The following TRIM54 variants were observed in gnomAD, a reference collection of about 807,000 sequenced individuals.
The protein encoded by TRIM54 is tripartite motif-containing protein 54.
Under a neutral mutation model 42.0 loss-of-function variants are expected in TRIM54, and 40 were observed. The ratio of observed to expected loss-of-function variants is 0.95; its 90% CI spans 0.74 to 1.24. TRIM54 has a LOEUF of 1.24. Among genes scored for constraint, TRIM54 ranks in the 50% most tolerant of loss-of-function variants. The probability of loss-of-function intolerance (pLI) is 0.00; values close to 1 mark genes in which losing one functional copy is unlikely to be tolerated. For synonymous variants in TRIM54, 199 were observed against 194.9 expected (o/e 1.02, Z -0.17); for missense variants, 485 against 480.3 (o/e 1.01, Z -0.09).
chr2:27,305,791 GA>G lies in TRIM54; in HGVS notation c.818del (p.Glu273GlyfsTer14). The G allele has an allele frequency of 1.2e-6, 2 of 1,608,176 alleles. No homozygotes were observed. The highest frequency in any genetic ancestry group is 1.7e-6 in the Non-Finnish European group (2 of 1,177,242). On this transcript the variant is annotated frameshift_variant, in exon 5 of 9. Transcript: ENST00000380075. LOFTEE classifies it high-confidence loss of function. ...GGAGTCTGCCATCCAGTCCATGGAA[GA>G]GCCACAAATGGCGCTGTATCTCCAG... is the stretch of plus-strand genomic sequence containing the variant. ...LVESAIQSME[E>X]PQMALYLQQA...
intron 1 of TRIM54, among the ~76,000 whole-genome samples, chr2:27,284,176 G>A (rs1165893563): frequency 6.6e-6 from 1 of 152,158 alleles, no homozygotes; most frequent in East Asian, 1.9e-4. Flanking sequence ...ACCAGAGCTG[G>A]CTGGTTTAGT....
intron 1 of TRIM54, among the ~76,000 whole-genome samples, chr2:27,295,919 CCTAAA>C (rs1474468551): frequency 6.6e-6 from 1 of 152,108 alleles, no homozygotes; most frequent in African/African-American, 2.4e-5. Flanking sequence ...TAACGCATTC[CCTAAA>C]CTAAACTCAA....
rs1270741902 is a variant in TRIM54 at position 27,306,507 on chromosome 2, CG to C, written c.1047del (p.Pro350ArgfsTer23). 21 of 1,572,672 alleles carry C rather than the reference CG, an allele frequency of 1.3e-5. No homozygotes were observed. Among genetic ancestry groups the C allele is most frequent in the Non-Finnish European group, 1.8e-5 (21 of 1,158,680 alleles). ...GCCCCAGACGGAGAGGAGGGCAGCG[CG>C]GGGCCGGAGGAAGAGCGGCCGGATG... ...EVAPDGEEGS[A>X]GPEEERPDGP On this transcript the variant is annotated frameshift_variant, in exon 8 of 9. Coordinates refer to ENST00000380075, the MANE Select transcript of TRIM54 (RefSeq NM_187841.3). LOFTEE classifies it high-confidence loss of function. This position sits in a 1 kb window ranked among gnomAD's most constrained non-coding sequence, Gnocchi z 6.1.
intron 5 of TRIM54, 107 bp downstream of exon 5, chr2:27,305,924 G>A (rs1679189370): frequency 8.8e-6 from 12 of 1,362,692 alleles, no homozygotes; most frequent in African/African-American, 2.9e-5. Flanking sequence ...TTGCCCCTAC[G>A]ACCTTGGGCA....
rs1311526701 is a variant in TRIM54 at position 27,306,267 on chromosome 2, G to A, written c.921G>A (p.Glu307=). The change falls in exon 7 of 9, where the codon GAG becomes GAA. Residue 307 remains glutamate (E), a synonymous_variant. Coordinates refer to ENST00000380075, the MANE Select transcript of TRIM54 (RefSeq NM_187841.3). This position sits in a 1 kb window ranked among gnomAD's most constrained non-coding sequence, Gnocchi z 6.1. ...ELAGRPEPGY[E]SMEQFTVRVE... ...CAGGGCGGCCGGAGCCAGGCTATGA[G>A]AGCATGGAGCAATTCACCGTAAGGG... 6 of 1,614,130 alleles carry A rather than the reference G, an allele frequency of 3.7e-6. No individual in the cohort carries two copies. Among genetic ancestry groups the A allele is most frequent in the South Asian group, 1.1e-5 (1 of 91,078 alleles).
At position 27,306,615 on chromosome 2, in the gene TRIM54, C is replaced by T. The variant is rs1679224291; in HGVS notation, c.*1+73C>T. 5.8e-6 allele frequency: 8 copies of T among 1,379,056 alleles called. No individual in the cohort carries two copies. The highest frequency in any genetic ancestry group is 1.5e-5 in the African/African-American group (1 of 68,494). 85.4% of individuals were successfully genotyped at this position (1,379,056 alleles called of 1,614,324 possible). On this transcript the variant is annotated intron_variant, in intron 8 of 8. Coordinates refer to ENST00000380075, the MANE Select transcript of TRIM54 (RefSeq NM_187841.3). The surrounding 1 kb of genome is among the most constrained non-coding windows in gnomAD (Gnocchi z 6.1). ...TGGGGTGGGGCCTGGCTGGTGTGCTCGCGTCCCCTCCCCCAGTGATTGCCC... is the reference window on the plus strand; with the variant it reads ...TGGGGTGGGGCCTGGCTGGTGTGCTTGCGTCCCCTCCCCCAGTGATTGCCC...
chr2:27,286,391 A>C (rs1366075820), intron 1 of TRIM54, among the ~76,000 whole-genome samples: 1 of 152,134 alleles, frequency 6.6e-6, no homozygotes, highest in Non-Finnish European at 1.5e-5. Context: ...TTGAAACAGA[A>C]TGAAACACCA....
Position 27,282,657 on chromosome 2 carries a change from C to G in TRIM54, c.-75C>G, listed in dbSNP as rs181182861. 1.1e-3 allele frequency: 1,701 copies of G among 1,486,038 alleles called. 2 individuals are homozygous for G. Among genetic ancestry groups the G allele is most frequent in the Non-Finnish European group, 1.4e-3 (1,564 of 1,110,952 alleles). The allele number at this position is 1,486,038 out of a possible 1,614,324, so 92.1% of individuals were successfully genotyped here. A position where few individuals can be genotyped will look rare whatever the true frequency, so the allele number is the denominator to read the frequency against. On this transcript the variant is annotated 5_prime_UTR_variant, in exon 1 of 9. The change creates a new upstream start codon in the 5' untranslated region. Transcript: ENST00000380075. The stretch of plus-strand genomic sequence containing the variant: ...CCACAGAAGGGAATCCAGAGGCCAT[C>G]TAAGCGAGGAAGGGTCTACAGGCAG...
Position 27,307,135 on chromosome 2 carries a change from T to C in TRIM54, c.*250T>C. The C allele has an allele frequency of 3.5e-6, 1 of 285,552 alleles. No homozygotes were observed. Among genetic ancestry groups the C allele is most frequent in the Non-Finnish European group, 6.6e-6 (1 of 150,668 alleles). The allele number at this position is 285,552 out of a possible 1,614,324, so 17.7% of individuals were successfully genotyped here. On this transcript the variant is annotated 3_prime_UTR_variant, in exon 9 of 9. Coordinates refer to ENST00000380075, the MANE Select transcript of TRIM54 (RefSeq NM_187841.3). This position sits in a 1 kb window ranked among gnomAD's most constrained non-coding sequence, Gnocchi z 6.9. ...GGGCGGAAGCCAAATGAACCCCTATTGGGCACCTCTGTGATGCCAGGAGCG... is the reference window on the plus strand; with the variant it reads ...GGGCGGAAGCCAAATGAACCCCTATCGGGCACCTCTGTGATGCCAGGAGCG...
At chr2:27,294,478 G>A (rs1253027913) in intron 1 of TRIM54, among the ~76,000 whole-genome samples, 1 of 152,138 alleles carries the variant, frequency 6.6e-6, no homozygotes, top group East Asian at 1.9e-4. Flanking sequence ...GACAGGCTCT[G>A]GAGTCAGAGT....
intron 1 of TRIM54, among the ~76,000 whole-genome samples, chr2:27,297,531 C>T (rs780466072): frequency 2.0e-5 from 3 of 152,228 alleles, no homozygotes; most frequent in African/African-American, 4.8e-5. Context: ...CCTATCACAA[C>T]ACCCATCCTG....
At position 27,306,270 on chromosome 2, in the gene TRIM54, C is replaced by T; in HGVS notation, c.924C>T (p.Ser308=). 6.2e-7 allele frequency: 1 copy of T among 1,614,082 alleles called. No homozygotes were observed. The highest frequency in any genetic ancestry group is 8.5e-7 in the Non-Finnish European group (1 of 1,180,020). Residue 308 remains serine (S), a synonymous_variant, in exon 7 of 9, where the codon AGC becomes AGT. Transcript: ENST00000380075. The surrounding 1 kb of genome is among the most constrained non-coding windows in gnomAD (Gnocchi z 6.1). ...GGCGGCCGGAGCCAGGCTATGAGAGCATGGAGCAATTCACCGTAAGGGTGG... is the reference window on the plus strand; with the variant it reads ...GGCGGCCGGAGCCAGGCTATGAGAGTATGGAGCAATTCACCGTAAGGGTGG... ...LAGRPEPGYE[S]MEQFTVRVEH...
At chr2:27,305,502 T>G in intron 4 of TRIM54, 82 bp from the exon 5 acceptor site, 1 of 1,175,922 alleles carries the variant, frequency 8.5e-7, no homozygotes, top group South Asian at 1.5e-5. Flanking sequence ...CTTTCTGTGT[T>G]GGTTCTCTGT....
At chr2:27,291,086 G>T (rs1678706736) in intron 1 of TRIM54, among the ~76,000 whole-genome samples, 1 of 152,146 alleles carries the variant, frequency 6.6e-6, no homozygotes, top group African/African-American at 2.4e-5. Context: ...AGGTGCACTG[G>T]CTCACACCTA....
Position 27,306,692 on chromosome 2 carries a change from G to A in TRIM54, c.*1+150G>A. Reference sequence around the variant, plus strand: ...CTCCTCGGTGCAACCCAACCCCGGAGCCACAAAGGCGCGCCCCCTAGGGCG... The same window carrying A: ...CTCCTCGGTGCAACCCAACCCCGGAACCACAAAGGCGCGCCCCCTAGGGCG... On this transcript the variant is annotated intron_variant, in intron 8 of 8. Coordinates refer to ENST00000380075, the MANE Select transcript of TRIM54 (RefSeq NM_187841.3). The surrounding 1 kb of genome is among the most constrained non-coding windows in gnomAD (Gnocchi z 6.1). 1 of 863,506 alleles carries A rather than the reference G, an allele frequency of 1.2e-6. No individual in the cohort carries two copies. Among genetic ancestry groups the A allele is most frequent in the Non-Finnish European group, 1.8e-6 (1 of 570,454 alleles). The allele number at this position is 863,506 out of a possible 1,614,324, so 53.5% of individuals were successfully genotyped here.
At chr2:27,283,025 T>A in intron 1 of TRIM54, 126 bp downstream of exon 1, 1 of 1,110,816 alleles carries the variant, frequency 9.0e-7, no homozygotes, top group Non-Finnish European at 1.3e-6. Flanking sequence ...GTGGCTGTTG[T>A]GGCTGGAGAG....
At position 27,306,365 on chromosome 2, in the gene TRIM54, G is replaced by A. The variant is rs1433968676; in HGVS notation, c.991+28G>A. ...GAAGGAGGTGGCCGAGGGCCGCTGA[G>A]ACGGGTTCGGACCCTCTGTGTGGGG... is the stretch of plus-strand genomic sequence containing the variant. On this transcript the variant is annotated intron_variant, in intron 7 of 8. Transcript: ENST00000380075. This position sits in a 1 kb window ranked among gnomAD's most constrained non-coding sequence, Gnocchi z 6.1. 1 of 1,613,826 alleles carries A rather than the reference G, an allele frequency of 6.2e-7. No homozygotes were observed. Among genetic ancestry groups the A allele is most frequent in the Non-Finnish European group, 8.5e-7 (1 of 1,179,912 alleles).
At chr2:27,300,916 AG>A (rs1679018668) in intron 3 of TRIM54, among the ~76,000 whole-genome samples, 1 of 152,180 alleles carries the variant, frequency 6.6e-6, no homozygotes, top group Non-Finnish European at 1.5e-5. Flanking sequence ...TGTGTTGCCC[AG>A]GCTTGTTTTG....
rs143718124 is a variant in TRIM54 at position 27,301,871 on chromosome 2, G to A, written c.513+2455G>A. Among the ~76,000 whole-genome samples the A allele has an allele frequency of 3.2e-4, 48 of 151,888 alleles. No individual in the cohort carries two copies. In the South Asian group the frequency reaches 6.6e-3, roughly 21 times the overall value. On this transcript the variant is annotated intron_variant, in intron 3 of 8. Coordinates refer to ENST00000380075, the MANE Select transcript of TRIM54 (RefSeq NM_187841.3). The stretch of plus-strand genomic sequence containing the variant: ...TTACTCCACTTAGTTTTAAAGTCAA[G>A]CAGGCCGGGCGGTGGCTCACACCTG...
Sources: gnomAD v4.1 joint callset for allele counts (sites outside exome capture counted in the v4.1 genomes callset) on GRCh38, gnomAD v4.1.1 for gene constraint, Gnocchi (gnomAD v3.1) non-coding constraint, MANE v1.5 for transcripts, NCBI Gene and HGNC (gene_info 2026-07-23, HGNC 2026-07-21) for gene names.